IFT74: variants seen among roughly 807,000 people sequenced by gnomAD.
IFT74 encodes intraflagellar transport 74.
A neutral mutation model predicts 96.7 loss-of-function variants in IFT74; 92 were observed. The observed-to-expected ratio is 0.95, with a 90% CI of 0.80 to 1.13. The LOEUF is 1.13. IFT74 is among the 50% of genes most tolerant of loss of function. The pLI, the probability that IFT74 is intolerant of heterozygous loss-of-function variation, is 0.00. For missense variants in IFT74, 811 were observed against 698.2 expected, an observed-to-expected ratio of 1.16 and a Z score of -1.82; for synonymous variants, 223 against 213.2, an observed-to-expected ratio of 1.05 and a Z score of -0.40.
intron 10 of IFT74, among the ~76,000 whole-genome samples, chr9:27,015,591 C>A (rs906702205): frequency 1.3e-5 from 2 of 151,948 alleles, no homozygotes; most frequent in Non-Finnish European, 2.9e-5. Context: ...GAGCCAAGAT[C>A]GCACCACTGC....
At chr9:26,968,662 A>G (rs752583661) in intron 2 of IFT74, among the ~76,000 whole-genome samples, 1 of 152,040 alleles carries the variant, frequency 6.6e-6, no homozygotes, top group African/African-American at 2.4e-5. Context: ...GTGTTTAGTC[A>G]TTTGTTCATT....
Position 26,979,703 on chromosome 9 carries a change from C to CTTT in IFT74, c.257-843_257-841dup, listed in dbSNP as rs951706952. Among the ~76,000 whole-genome samples, 422 of 75,488 alleles carry CTTT rather than the reference C, an allele frequency of 5.6e-3. 66 individuals carry two copies. The highest frequency in any genetic ancestry group is 0.023 in the East Asian group (44 of 1,940). The allele number at this position is 75,488 out of a possible 152,430, so 49.5% of individuals were successfully genotyped here. ...GAGACATTTAACCTAGGAACACTTTCTTTTTTTTTTTTTTTTTTTTTTTTT... is the reference window on the plus strand; with the variant it reads ...GAGACATTTAACCTAGGAACACTTTCTTTTTTTTTTTTTTTTTTTTTTTTTTTT... On this transcript the variant is annotated intron_variant, in intron 3 of 19. Coordinates refer to ENST00000380062, the MANE Select transcript of IFT74 (RefSeq NM_025103.4).
chr9:27,004,994 T>C (rs1828695573), intron 8 of IFT74, among the ~76,000 whole-genome samples: 1 of 152,172 alleles, frequency 6.6e-6, no homozygotes, highest in Non-Finnish European at 1.5e-5. Context: ...ATGCTGTAAT[T>C]ATTTTGGTTT....
At chr9:27,056,944 A>G (rs1417282271) in intron 18 of IFT74, among the ~76,000 whole-genome samples, 2 of 152,058 alleles carry the variant, frequency 1.3e-5, no homozygotes. Flanking sequence ...TTAGGTACAC[A>G]TTTATTTCTA....
chr9:26,980,679 C>A lies in IFT74; in HGVS notation c.305+60C>A, dbSNP rs1827336730. The A allele has an allele frequency of 1.4e-5, 15 of 1,068,444 alleles. No homozygotes were observed. In the South Asian group the frequency reaches 1.8e-4, roughly 13 times the overall value. The allele number at this position is 1,068,444 out of a possible 1,614,324, so 66.2% of individuals were successfully genotyped here. A position where few individuals can be genotyped will look rare whatever the true frequency, so the allele number is the denominator to read the frequency against. On this transcript the variant is annotated intron_variant, in intron 4 of 19. Coordinates refer to ENST00000380062, the MANE Select transcript of IFT74 (RefSeq NM_025103.4). ...ACTCGAAATATTGTGTACCTTCTGT[C>A]AAAATAGAGTATATAACTTTAATAT...
chr9:27,011,939 C>A lies in IFT74; in HGVS notation c.760C>A (p.Gln254Lys). 1 of 1,583,004 alleles carries A rather than the reference C, an allele frequency of 6.3e-7. No homozygotes were observed. The highest frequency in any genetic ancestry group is 8.6e-7 in the Non-Finnish European group (1 of 1,165,870). The change falls in exon 10 of 20, where the codon CAG becomes AAG. Residue 254 changes from glutamine to lysine, a missense_variant. Physicochemically the swap from Gln to Lys is moderately conservative, Grantham distance 53. Coordinates refer to ENST00000380062, the MANE Select transcript of IFT74 (RefSeq NM_025103.4). Reference protein sequence around the residue: ...LDTLQQQLDSQNMKKESLEAE... With the variant: ...LDTLQQQLDSKNMKKESLEAE... Reference sequence around the variant, plus strand: ...TACACTTCAACAACAATTGGATTCACAGAACATGAAAAAAGAGAGCCTGGA... The same window carrying A: ...TACACTTCAACAACAATTGGATTCAAAGAACATGAAAAAAGAGAGCCTGGA...
In IFT74 at chr9:26,978,241, T is replaced by G. The variant is rs777718341; in HGVS notation, c.234T>G (p.Thr78=). Residue 78 remains threonine (T), a synonymous_variant, in exon 3 of 20, where the codon ACT becomes ACG. Coordinates refer to ENST00000380062, the MANE Select transcript of IFT74 (RefSeq NM_025103.4). ...GCCCTGTAACACAACAAGGTTTGACTGGAATGAAAACTGGGACGAAAGGTA... is the reference window on the plus strand; with the variant it reads ...GCCCTGTAACACAACAAGGTTTGACGGGAATGAAAACTGGGACGAAAGGTA... The part of the protein sequence containing the change: ...AHRPVTQQGL[T]GMKTGTKGPQ... The G allele has an allele frequency of 6.2e-7, 1 of 1,613,274 alleles. No individual in the cohort carries two copies. The highest frequency in any genetic ancestry group is 8.5e-7 in the Non-Finnish European group (1 of 1,179,834).
intron 8 of IFT74, chr9:26,997,799 C>T: frequency 6.2e-7 from 1 of 1,613,998 alleles, no homozygotes; most frequent in Non-Finnish European, 8.5e-7. Flanking sequence ...CCATAGGTTT[C>T]CATATAAAGT....
intron 19 of IFT74, chr9:27,061,097 G>T (rs1353193495): frequency 5.5e-6 from 1 of 181,270 alleles, no homozygotes; most frequent in Non-Finnish European, 1.2e-5. Flanking sequence ...CAAAACCCTG[G>T]GCCAAATTAA....
chr9:26,968,226 C>T (rs577587897), intron 2 of IFT74, among the ~76,000 whole-genome samples: 1 of 150,576 alleles, frequency 6.6e-6, no homozygotes, highest in East Asian at 2.0e-4. Context: ...AGGTCCTGAG[C>T]TTTTCTTTGC....
At chr9:27,031,323 C>T (rs962783483) in intron 13 of IFT74, among the ~76,000 whole-genome samples, 21 of 151,902 alleles carry the variant, frequency 1.4e-4, no homozygotes, top group African/African-American at 4.1e-4. Context: ...AAAAATTAGC[C>T]GGGCCTGGTG....
chr9:26,977,769 G>A (rs10967636), intron 2 of IFT74, among the ~76,000 whole-genome samples: 15,576 of 152,188 alleles, frequency 0.1, 1,829 homozygotes, highest in East Asian at 0.65. Context: ...GATTACAGGC[G>A]TGAGCCACCA....
At chr9:26,973,441 G>C (rs1248253043) in intron 2 of IFT74, among the ~76,000 whole-genome samples, 2 of 152,150 alleles carry the variant, frequency 1.3e-5, no homozygotes, top group Non-Finnish European at 2.9e-5. Context: ...GTCCCCAGGA[G>C]TTTTTAGTTT....
At chr9:27,033,565 C>A (rs1217061993) in intron 13 of IFT74, among the ~76,000 whole-genome samples, 3 of 143,208 alleles carry the variant, frequency 2.1e-5, no homozygotes, top group African/African-American at 7.8e-5. Context: ...CAAAGTGAGA[C>A]CCTGTCTCAA....
chr9:27,050,119 G>A (rs779876328), intron 16 of IFT74, among the ~76,000 whole-genome samples: 1 of 152,034 alleles, frequency 6.6e-6, no homozygotes, highest in Non-Finnish European at 1.5e-5. Context: ...GTGCAGTGGC[G>A]TGATCACAGC....
chr9:26,969,547 T>C (rs1412922286), intron 2 of IFT74, among the ~76,000 whole-genome samples: 1 of 152,126 alleles, frequency 6.6e-6, no homozygotes, highest in African/African-American at 2.4e-5. Flanking sequence ...TTTAAGTGAA[T>C]ATTTCAATTC....
At chr9:27,052,507 C>CAA (rs1187027414) in intron 16 of IFT74, among the ~76,000 whole-genome samples, 220 of 56,572 alleles carry the variant, frequency 3.9e-3, no homozygotes, top group East Asian at 1.0e-2. Flanking sequence ...AAATCTATCT[C>CAA]AAAAAAAAAA....
At chr9:26,986,954 C>G (rs565367031) in intron 6 of IFT74, among the ~76,000 whole-genome samples, 117 of 152,290 alleles carry the variant, frequency 7.7e-4, no homozygotes, top group African/African-American at 2.8e-3. Flanking sequence ...CTGGACTACA[C>G]AATTCATCAC....
At chr9:26,989,203 A>T (rs1460718351) in intron 7 of IFT74, among the ~76,000 whole-genome samples, 1 of 152,096 alleles carries the variant, frequency 6.6e-6, no homozygotes, top group Non-Finnish European at 1.5e-5. Context: ...AACACTGGGG[A>T]CTCCAAAAAG....
Sources: allele counts gnomAD v4.1 joint callset (sites outside exome capture counted in the v4.1 genomes callset), GRCh38; gene constraint gnomAD v4.1.1; transcripts MANE v1.5; gene names NCBI Gene and HGNC (gene_info 2026-07-23, HGNC 2026-07-21).